B3GALT1: variants seen among roughly 807,000 people sequenced by gnomAD.
B3GALT1 encodes beta-1,3-galactosyltransferase 1, also known as UDP-Gal:betaGlcNAc beta 1,3-galactosyltransferase, polypeptide 1.
In B3GALT1, 10 loss-of-function variants were observed where a neutral mutation model predicts 23.2. The observed-to-expected ratio is 0.43, with a 90% CI of 0.27 to 0.73. B3GALT1 has a LOEUF of 0.73. Ranked by LOEUF, B3GALT1 falls within the 30% of genes least tolerant of loss-of-function variation. The pLI is 0.21. For missense variants in B3GALT1, 299 were observed against 405.4 expected (o/e 0.74, Z 2.25); for synonymous variants, 156 against 141.5 (o/e 1.10, Z -0.73).
At chr2:167,481,026 A>G (rs541427845) in intron 1 of B3GALT1, among the ~76,000 whole-genome samples, 24 of 152,314 alleles carry the variant, frequency 1.6e-4, no homozygotes, top group African/African-American at 5.5e-4. Flanking sequence ...ATTTAAATCC[A>G]AGCTTTTGGA....
At chr2:167,528,999 G>A (rs1247367740) in intron 2 of B3GALT1, among the ~76,000 whole-genome samples, 1 of 152,030 alleles carries the variant, frequency 6.6e-6, no homozygotes, top group Non-Finnish European at 1.5e-5. Context: ...CGTTTCAATA[G>A]TATTTTCCTT....
intron 3 of B3GALT1, among the ~76,000 whole-genome samples, chr2:167,673,573 G>A (rs1686370336): frequency 6.6e-6 from 1 of 151,776 alleles, no homozygotes; most frequent in Admixed American, 6.6e-5. Flanking sequence ...AATAAGATTA[G>A]TGTTTGCATA....
chr2:167,667,380 A>C (rs558236105), intron 3 of B3GALT1, among the ~76,000 whole-genome samples: 51 of 152,168 alleles, frequency 3.4e-4, no homozygotes, highest in Non-Finnish European at 6.6e-4. Flanking sequence ...GGCTGCCCTT[A>C]ACATTTTTTC....
At chr2:167,608,753 G>A (rs531984449) in intron 2 of B3GALT1, among the ~76,000 whole-genome samples, 1 of 152,228 alleles carries the variant, frequency 6.6e-6, no homozygotes, top group Non-Finnish European at 1.5e-5. Context: ...TCATACATTT[G>A]GAGGGTTACA....
At chr2:167,429,987 GA>G (rs1304202432) in intron 1 of B3GALT1, among the ~76,000 whole-genome samples, 1 of 152,180 alleles carries the variant, frequency 6.6e-6, no homozygotes. Flanking sequence ...TGCACACAGA[GA>G]GCTTTATTAG....
intron 3 of B3GALT1, among the ~76,000 whole-genome samples, chr2:167,808,817 T>C (rs139176860): frequency 0.037 from 5,656 of 152,278 alleles, 142 homozygotes; most frequent in Non-Finnish European, 0.056. Flanking sequence ...TTTCCCGAAT[T>C]TGAATGTTGG....
intron 2 of B3GALT1, among the ~76,000 whole-genome samples, chr2:167,524,211 C>T (rs1683183781): frequency 6.6e-6 from 1 of 152,038 alleles, no homozygotes; most frequent in Non-Finnish European, 1.5e-5. Flanking sequence ...TGAGGTTGGA[C>T]ATATTTTTGT....
At chr2:167,518,723 C>T (rs905610129) in intron 2 of B3GALT1, among the ~76,000 whole-genome samples, 3 of 152,168 alleles carry the variant, frequency 2.0e-5, no homozygotes, top group African/African-American at 7.2e-5. Flanking sequence ...GTTAGAACTT[C>T]AATGTGTGCC....
chr2:167,636,668 C>T (rs113205967), intron 2 of B3GALT1, among the ~76,000 whole-genome samples: 5 of 152,044 alleles, frequency 3.3e-5, no homozygotes, highest in Non-Finnish European at 5.9e-5. Flanking sequence ...AAAAAGGATA[C>T]GTTCATGTCT....
At position 167,528,231 on chromosome 2, in the gene B3GALT1, A is replaced by T. The variant is rs554614759; in HGVS notation, c.-410+37954A>T. On this transcript the variant is annotated intron_variant, in intron 2 of 4. Transcript: ENST00000392690. ...CTTTCCTGCTCTTTGTGCTTCAAGC[A>T]TCCTGGGCTGGCCTCCACTCTATTG... 3.9e-5 allele frequency among the ~76,000 whole-genome samples: 6 copies of T among 152,302 alleles called. No individual in the cohort carries two copies. The East Asian group carries it at 9.7e-4, about 25-fold the overall frequency.
intron 2 of B3GALT1, among the ~76,000 whole-genome samples, chr2:167,523,770 CAA>C (rs1683169517): frequency 6.6e-6 from 1 of 152,056 alleles, no homozygotes; most frequent in South Asian, 2.1e-4. Flanking sequence ...TCTACACAAA[CAA>C]GAGCAGTATA....
At chr2:167,675,331 A>G (rs539948166) in intron 3 of B3GALT1, among the ~76,000 whole-genome samples, 1 of 152,352 alleles carries the variant, frequency 6.6e-6, no homozygotes, top group East Asian at 1.9e-4. Context: ...CCATTTTTAT[A>G]GCAAATATTT....
chr2:167,508,625 T>C (rs1447878663), intron 2 of B3GALT1, among the ~76,000 whole-genome samples: 1 of 152,190 alleles, frequency 6.6e-6, no homozygotes, highest in African/African-American at 2.4e-5. Context: ...ATTGAACTTT[T>C]TTTTTAGAGT....
At chr2:167,294,500 TCC>T (rs1445003886) in intron 1 of B3GALT1, among the ~76,000 whole-genome samples, 2 of 152,252 alleles carry the variant, frequency 1.3e-5, no homozygotes, top group African/African-American at 4.8e-5. Context: ...GATCCGAATC[TCC>T]GTAGTTCAGT....
intron 3 of B3GALT1, among the ~76,000 whole-genome samples, chr2:167,671,120 C>T (rs1686318672): frequency 6.6e-6 from 1 of 152,050 alleles, no homozygotes. Flanking sequence ...AAGGATGTAA[C>T]AATTATATAT....
At chr2:167,581,635 A>G (rs887118849) in intron 2 of B3GALT1, among the ~76,000 whole-genome samples, 2 of 152,226 alleles carry the variant, frequency 1.3e-5, no homozygotes, top group Admixed American at 6.5e-5. Context: ...TCATGCAGTT[A>G]TATCAAGTGA....
chr2:167,573,710 T>G (rs1684336929), intron 2 of B3GALT1, among the ~76,000 whole-genome samples: 1 of 151,724 alleles, frequency 6.6e-6, no homozygotes, highest in Admixed American at 6.6e-5. Context: ...TTTCACTTAA[T>G]GTATAGATTT....
At chr2:167,368,591 C>G (rs185239868) in intron 1 of B3GALT1, among the ~76,000 whole-genome samples, 15 of 152,290 alleles carry the variant, frequency 9.8e-5, no homozygotes, top group Admixed American at 9.2e-4. Flanking sequence ...AGGCACCCCT[C>G]ATTTTGTAGT....
intron 1 of B3GALT1, among the ~76,000 whole-genome samples, chr2:167,482,309 T>A (rs1699572325): frequency 6.6e-6 from 1 of 152,238 alleles, no homozygotes; most frequent in Non-Finnish European, 1.5e-5. Flanking sequence ...TCTAGGTTTT[T>A]AAAACAAAAA....
Sources: allele counts gnomAD v4.1 joint callset (sites outside exome capture counted in the v4.1 genomes callset), GRCh38; gene constraint gnomAD v4.1.1; transcripts MANE v1.5; gene names NCBI Gene and HGNC (gene_info 2026-07-23, HGNC 2026-07-21).